The following TRIM33 variants were observed in gnomAD, a reference collection of about 807,000 sequenced individuals.
TRIM33 encodes the protein tripartite motif containing 33, also known as E3 ubiquitin-protein ligase TRIM33.
TRIM33 carries 20 observed loss-of-function variants against 125.4 expected under a neutral mutation model. The ratio of observed to expected loss-of-function variants is 0.16; its 90% CI spans 0.11 to 0.23. TRIM33 has a LOEUF of 0.23. Among genes scored for constraint, TRIM33 ranks in the 10% least tolerant of loss-of-function variants. The pLI is 1.00. For missense variants in TRIM33, 920 were observed against 1,411.4 expected, an observed-to-expected ratio of 0.65 and a Z score of 5.58; for synonymous variants, 564 against 513.9, an observed-to-expected ratio of 1.10 and a Z score of -1.32.
intron 4 of TRIM33, among the ~76,000 whole-genome samples, chr1:114,461,751 A>T (rs530164601): frequency 6.6e-6 from 1 of 152,232 alleles, no homozygotes; most frequent in East Asian, 1.9e-4. Context: ...AGCTATAAGA[A>T]ATCTAACACT....
intron 4 of TRIM33, among the ~76,000 whole-genome samples, chr1:114,462,466 A>G (rs1467730033): frequency 6.6e-6 from 1 of 152,206 alleles, no homozygotes; most frequent in African/African-American, 2.4e-5. Flanking sequence ...ATTCTGGACT[A>G]TGGGTGACAC....
At chr1:114,412,580 GT>G (rs945430564) in intron 11 of TRIM33, among the ~76,000 whole-genome samples, 6 of 150,810 alleles carry the variant, frequency 4.0e-5, no homozygotes, top group African/African-American at 1.5e-4. Context: ...TTCAGCTTTA[GT>G]TTTTTTTTCC....
chr1:114,454,847 T>C (rs1239125966), intron 4 of TRIM33, among the ~76,000 whole-genome samples: 1 of 152,102 alleles, frequency 6.6e-6, no homozygotes, highest in Non-Finnish European at 1.5e-5. Flanking sequence ...GGAAAAATTA[T>C]GCTGGAACAT....
intron 11 of TRIM33, among the ~76,000 whole-genome samples, chr1:114,420,012 A>G (rs1037324623): frequency 6.6e-6 from 1 of 152,228 alleles, no homozygotes. Context: ...CTACTGTTAC[A>G]ACAGTTTCAT....
rs369373390 is a variant in TRIM33 at position 114,483,288 on chromosome 1, C to T, written c.527-18900G>A. Among the ~76,000 whole-genome samples, 42 of 151,462 alleles carry T rather than the reference C, an allele frequency of 2.8e-4. No homozygotes were observed. The East Asian group carries it at 7.7e-3, about 28-fold the overall frequency. ...CACCACTGCACCCCAGCCTGGGCTA[C>T]AAAGCAAGACCCTGTCTTGAAAAAA... On this transcript the variant is annotated intron_variant, in intron 1 of 19. Transcript: ENST00000358465.
In TRIM33 at chr1:114,510,654, CT is replaced by C; in HGVS notation, c.422del (p.Lys141SerfsTer38). 6.4e-7 allele frequency: 1 copy of C among 1,561,570 alleles called. No homozygotes were observed. The highest frequency in any genetic ancestry group is 1.2e-5 in the South Asian group (1 of 85,662). Reference sequence around the variant, plus strand: ...AGAAGGAGTGAAGACAGGGCAGCAGCTTGGGCTCCGCCTCACGCCGGCTCTG... The same window carrying C: ...AGAAGGAGTGAAGACAGGGCAGCAGCTGGGCTCCGCCTCACGCCGGCTCTG... ...SLQSRREAEP[K>X]LLPCLHSFCL... On this transcript the variant is annotated frameshift_variant, in exon 1 of 20. Coordinates refer to ENST00000358465, the MANE Select transcript of TRIM33 (RefSeq NM_015906.4). LOFTEE classifies it high-confidence loss of function.
intron 1 of TRIM33, among the ~76,000 whole-genome samples, chr1:114,502,537 C>A (rs1321519337): frequency 6.6e-6 from 1 of 152,200 alleles, no homozygotes; most frequent in African/African-American, 2.4e-5. Flanking sequence ...CTCAGACAGT[C>A]TCACTGTCAC....
intron 4 of TRIM33, among the ~76,000 whole-genome samples, chr1:114,457,082 A>T (rs534616435): frequency 1.3e-5 from 2 of 152,192 alleles, no homozygotes; most frequent in African/African-American, 4.8e-5. Context: ...CACATATTCC[A>T]TATCTGGGAA....
At chr1:114,470,832 G>T (rs979241039) in intron 1 of TRIM33, among the ~76,000 whole-genome samples, 1 of 152,196 alleles carries the variant, frequency 6.6e-6, no homozygotes, top group Non-Finnish European at 1.5e-5. Context: ...ATAGGGTCTT[G>T]CTCTATGGCC....
At chr1:114,427,071 A>G in intron 8 of TRIM33, 106 bp downstream of exon 8, 1 of 554,518 alleles carries the variant, frequency 1.8e-6, no homozygotes, top group Non-Finnish European at 3.3e-6. Context: ...TAAAATGTAA[A>G]ACATTAGTTT....
intron 18 of TRIM33, among the ~76,000 whole-genome samples, chr1:114,398,870 C>A: frequency 8.0e-6 from 1 of 125,300 alleles, no homozygotes; most frequent in African/African-American, 3.2e-5. Context: ...CATTTCTTCT[C>A]AAGGCATGGC....
chr1:114,414,914 C>A (rs1652832052), intron 11 of TRIM33, among the ~76,000 whole-genome samples: 1 of 150,584 alleles, frequency 6.6e-6, no homozygotes, highest in African/African-American at 2.4e-5. Flanking sequence ...ATAATCATAA[C>A]AACTAACATT....
intron 10 of TRIM33, 60 bp downstream of exon 10, chr1:114,424,531 A>G: frequency 7.0e-6 from 10 of 1,428,640 alleles, no homozygotes; most frequent in Non-Finnish European, 8.4e-6. Flanking sequence ...AGTGATTAAG[A>G]AAATGACGTC....
chr1:114,411,650 C>A (rs1652595504), intron 11 of TRIM33, among the ~76,000 whole-genome samples: 1 of 152,182 alleles, frequency 6.6e-6, no homozygotes, highest in Admixed American at 6.6e-5. Context: ...TTATACTCCT[C>A]ACCTGCAATT....
chr1:114,443,166 A>C (rs1206725690), intron 4 of TRIM33, among the ~76,000 whole-genome samples: 1 of 151,178 alleles, frequency 6.6e-6, no homozygotes, highest in Non-Finnish European at 1.5e-5. Context: ...GGTAGATCAC[A>C]AGGTCAGGAG....
intron 17 of TRIM33, 84 bp downstream of exon 17, chr1:114,401,305 T>G: frequency 9.1e-7 from 1 of 1,101,190 alleles, no homozygotes; most frequent in Non-Finnish European, 1.3e-6. Context: ...ATTACAGGCG[T>G]GAGCCACCGC....
chr1:114,462,432 GT>G (rs1377726348), intron 4 of TRIM33, among the ~76,000 whole-genome samples: 1 of 152,168 alleles, frequency 6.6e-6, no homozygotes, highest in African/African-American at 2.4e-5. Flanking sequence ...CATAAAAACT[GT>G]TGTTTGAAAA....
At chr1:114,484,675 C>T (rs1651564951) in intron 1 of TRIM33, among the ~76,000 whole-genome samples, 1 of 152,078 alleles carries the variant, frequency 6.6e-6, no homozygotes, top group South Asian at 2.1e-4. Flanking sequence ...CCAGCCTGGG[C>T]AACACAGTGA....
chr1:114,402,889 CAG>C lies in TRIM33; in HGVS notation c.2769-8_2769-7del. On this transcript the variant is annotated splice_polypyrimidine_tract_variant and splice_region_variant and intron_variant, in intron 15 of 19. Coordinates refer to ENST00000358465, the MANE Select transcript of TRIM33 (RefSeq NM_015906.4). ...ATGTGCATATCCAGTCCCCACTAGA[CAG>C]GGAAATAGGCAATTAGTCCACGTAA... The C allele has an allele frequency of 6.2e-7, 1 of 1,609,670 alleles. No individual in the cohort carries two copies. The highest frequency in any genetic ancestry group is 8.5e-7 in the Non-Finnish European group (1 of 1,178,254).
Sources: allele counts gnomAD v4.1 joint callset (sites outside exome capture counted in the v4.1 genomes callset), GRCh38; gene constraint gnomAD v4.1.1; transcripts MANE v1.5; gene names NCBI Gene and HGNC (gene_info 2026-07-23, HGNC 2026-07-21).